The following NRXN2 variants were observed in gnomAD, a reference collection of about 807,000 sequenced individuals.
NRXN2 encodes neurexin 2.
NRXN2 carries 29 observed loss-of-function variants against 128.8 expected under a neutral mutation model. The observed-to-expected ratio is 0.23, with a 90% CI of 0.17 to 0.31. The LOEUF (loss-of-function observed/expected upper bound fraction) is 0.31, where lower values mean the gene tolerates loss of function less well. Among genes scored for constraint, NRXN2 ranks in the 10% least tolerant of loss-of-function variants. The probability of loss-of-function intolerance (pLI) is 1.00; values close to 1 mark genes in which losing one functional copy is unlikely to be tolerated. For missense variants in NRXN2, 1,881 were observed against 2,452.6 expected (o/e 0.77, Z 4.92); for synonymous variants, 1,098 against 1,075.2 (o/e 1.02, Z -0.41).
Position 64,607,796 on chromosome 11 carries a change from A to T in NRXN2, c.4539T>A (p.Phe1513Leu). Residue 1513 changes from phenylalanine (F) to leucine (L), a missense_variant, in exon 23 of 23, where the codon TTT becomes TTA. Around this residue, in one of 7 missense-constraint regions of NRXN2, gnomAD observed 310 missense variants for 318.2 expected, o/e 0.97. Transcript: ENST00000265459. Reference protein sequence around the residue: ...SSLPPTDDEDFYTTFPLVTDR... With the variant: ...SSLPPTDDEDLYTTFPLVTDR... ...CCGTGACCAGGGGAAAGGTGGTGTA[A>T]AAGTCCTCGTCGTCCGTGGGGGGGA... 6.2e-7 allele frequency: 1 copy of T among 1,600,474 alleles called. No individual in the cohort carries two copies. The highest frequency in any genetic ancestry group is 8.5e-7 in the Non-Finnish European group (1 of 1,174,180).
At chr11:64,642,945 C>T (rs2045966231) in intron 17 of NRXN2, 1 of 1,021,524 alleles carries the variant, frequency 9.8e-7, no homozygotes, top group Admixed American at 5.7e-5. Flanking sequence ...GCCCAAGCCT[C>T]GGTCCGGAGC....
intron 18 of NRXN2, among the ~76,000 whole-genome samples, chr11:64,634,799 A>G (rs1255288577): frequency 2.0e-5 from 3 of 152,188 alleles, no homozygotes; most frequent in Admixed American, 2.0e-4. Context: ...AGGCAAGATG[A>G]AGCTGCAAGG....
chr11:64,645,249 G>GT (rs1284042965), intron 17 of NRXN2, among the ~76,000 whole-genome samples: 7 of 152,124 alleles, frequency 4.6e-5, no homozygotes, highest in African/African-American at 7.2e-5. Context: ...GGAGGAGCCG[G>GT]TGGCGAGAGG....
At position 64,648,153 on chromosome 11, in the gene NRXN2, C is replaced by A. The variant is rs2046973145; in HGVS notation, c.3403+66G>T. 1.2e-6 allele frequency: 2 copies of A among 1,610,326 alleles called. No homozygotes were observed. The highest frequency in any genetic ancestry group is 1.7e-4 in the Middle Eastern group (1 of 6,054). On this transcript the variant is annotated intron_variant, in intron 17 of 22. Transcript: ENST00000265459. The surrounding 1 kb of genome is among the most constrained non-coding windows in gnomAD (Gnocchi z 4.1). ...CTCAGAGGCCCTGTTTCCTCCCTGG[C>A]AGCCCCTATGGCTGGGAATGGACCC...
chr11:64,670,037 G>A (rs1302614573), intron 7 of NRXN2, among the ~76,000 whole-genome samples: 3 of 150,050 alleles, frequency 2.0e-5, no homozygotes, highest in African/African-American at 7.4e-5. Flanking sequence ...TGGGTGAGGT[G>A]GAGGAACTCC....
intron 9 of NRXN2, among the ~76,000 whole-genome samples, chr11:64,661,565 G>C (rs758914797): frequency 6.6e-5 from 10 of 152,208 alleles, no homozygotes; most frequent in South Asian, 2.1e-4. Flanking sequence ...GGGGCTGAAA[G>C]ATCTTTAATC....
chr11:64,609,393 C>T (rs2040260714), intron 22 of NRXN2, among the ~76,000 whole-genome samples: 1 of 152,122 alleles, frequency 6.6e-6, no homozygotes, highest in African/African-American at 2.4e-5. Flanking sequence ...AATACATACA[C>T]AGCCATCTGG....
chr11:64,706,016 T>A (rs1316558579), intron 2 of NRXN2, among the ~76,000 whole-genome samples: 1 of 126,086 alleles, frequency 7.9e-6, no homozygotes, highest in Non-Finnish European at 1.6e-5. Context: ...ACTACATAAC[T>A]CTATAATCCC....
At chr11:64,612,925 T>C (rs1456006006) in intron 22 of NRXN2, among the ~76,000 whole-genome samples, 1 of 152,228 alleles carries the variant, frequency 6.6e-6, no homozygotes, top group Non-Finnish European at 1.5e-5. Context: ...CTCCTCTCAG[T>C]GGACACGGTC....
At chr11:64,650,403 G>A in intron 15 of NRXN2, 45 bp downstream of exon 15, 1 of 1,600,128 alleles carries the variant, frequency 6.2e-7, no homozygotes, top group Non-Finnish European at 8.6e-7. Flanking sequence ...GGGGTGAGGG[G>A]TATCTGGGCT....
chr11:64,661,221 C>G, intron 9 of NRXN2, 82 bp from the exon 10 acceptor site: 2 of 1,594,802 alleles, frequency 1.3e-6, no homozygotes, highest in Non-Finnish European at 1.7e-6. Context: ...GGCCCCCCAC[C>G]TTGTGTGGGC....
chr11:64,668,054 T>A (rs2050128209), intron 8 of NRXN2, among the ~76,000 whole-genome samples: 2 of 152,166 alleles, frequency 1.3e-5, no homozygotes, highest in Non-Finnish European at 2.9e-5. Flanking sequence ...CACAACCTTA[T>A]GAAGTAGGCA....
intron 21 of NRXN2, among the ~76,000 whole-genome samples, chr11:64,620,719 C>T (rs531811262): frequency 3.8e-4 from 56 of 148,600 alleles, no homozygotes; most frequent in African/African-American, 1.3e-3. Context: ...AGGGAAGGTG[C>T]CAGGGAGGCA....
At chr11:64,661,878 C>T (rs2049076944) in intron 9 of NRXN2, among the ~76,000 whole-genome samples, 1 of 152,132 alleles carries the variant, frequency 6.6e-6, no homozygotes, top group African/African-American at 2.4e-5. Flanking sequence ...AGCAGATTGG[C>T]TCCAGGGCCT....
chr11:64,694,673 C>A (rs1392709130), intron 3 of NRXN2, among the ~76,000 whole-genome samples: 1 of 152,154 alleles, frequency 6.6e-6, no homozygotes, highest in Non-Finnish European at 1.5e-5. Context: ...TCTCCTCATT[C>A]CTTACTCTGA....
intron 21 of NRXN2, among the ~76,000 whole-genome samples, chr11:64,621,099 G>A (rs1333427149): frequency 1.3e-5 from 2 of 152,090 alleles, no homozygotes; most frequent in African/African-American, 4.8e-5. Context: ...TAGGCTGAAG[G>A]ACAAGGACGA....
At chr11:64,705,947 C>A (rs2056205574) in intron 2 of NRXN2, among the ~76,000 whole-genome samples, 1 of 145,350 alleles carries the variant, frequency 6.9e-6, no homozygotes, top group South Asian at 2.1e-4. Flanking sequence ...CTCCCCAAGA[C>A]AACCAAGGCT....
At position 64,652,124 on chromosome 11, in the gene NRXN2, T is replaced by C; in HGVS notation, c.2447A>G (p.His816Arg). 1.9e-6 allele frequency: 3 copies of C among 1,613,294 alleles called. 1 individual carries two copies. The highest frequency in any genetic ancestry group is 2.2e-5 in the South Asian group (2 of 91,086). Residue 816 changes from histidine (H) to arginine (R), a missense_variant, in exon 13 of 23, where the codon CAC (histidine) becomes CGC (arginine). Transcript: ENST00000265459. Reference protein sequence around the residue: ...SKGPETLFAGHKLNDNEWHTV... With the variant: ...SKGPETLFAGRKLNDNEWHTV... ...GTGCCACTCATTGTCATTGAGCTTG[T>C]GCCCCGCAAACAGCGTTTCGGGGCC...
At chr11:64,645,856 C>T (rs2046571845) in intron 17 of NRXN2, among the ~76,000 whole-genome samples, 1 of 152,174 alleles carries the variant, frequency 6.6e-6, no homozygotes, top group South Asian at 2.1e-4. Context: ...GCCATTTCTA[C>T]CCTCTTTCCT....
Sources: gnomAD v4.1 joint callset for allele counts (sites outside exome capture counted in the v4.1 genomes callset) on GRCh38, gnomAD v4.1.1 for gene constraint, gnomAD v4.1.1 regional missense constraint, Gnocchi (gnomAD v3.1) non-coding constraint, MANE v1.5 for transcripts, NCBI Gene and HGNC (gene_info 2026-07-23, HGNC 2026-07-21) for gene names.